Variants in PCCA observed in about 807,000 individuals in gnomAD.
PCCA encodes the protein propionyl-CoA carboxylase alpha chain, mitochondrial.
PCCA carries 74 observed loss-of-function variants against 101.3 expected under a neutral mutation model. That is an observed-to-expected ratio of 0.73 (90% CI 0.61 to 0.89). The LOEUF (loss-of-function observed/expected upper bound fraction) is 0.89. Ranked by LOEUF, PCCA falls within the 40% of genes least tolerant of loss-of-function variation. The pLI is 0.00. For missense variants in PCCA, 891 were observed against 907.0 expected, an observed-to-expected ratio of 0.98 and a Z score of 0.23; for synonymous variants, 294 against 313.6, an observed-to-expected ratio of 0.94 and a Z score of 0.66.
At chr13:100,388,812 T>C (rs1294561922) in intron 19 of PCCA, among the ~76,000 whole-genome samples, 1 of 152,104 alleles carries the variant, frequency 6.6e-6, no homozygotes, top group Non-Finnish European at 1.5e-5. Flanking sequence ...TAAAAATAAT[T>C]AAAAAGTTTT....
chr13:100,418,024 A>G (rs899407634), intron 19 of PCCA, among the ~76,000 whole-genome samples: 37 of 152,106 alleles, frequency 2.4e-4, no homozygotes, highest in Admixed American at 3.3e-4. Context: ...GAAGACCAGC[A>G]GCCAGTTCCT....
chr13:100,260,545 C>T (rs1179463029), intron 9 of PCCA, among the ~76,000 whole-genome samples: 1 of 151,738 alleles, frequency 6.6e-6, no homozygotes, highest in East Asian at 1.9e-4. Context: ...TACAGGCGCA[C>T]ACTGCCACGC....
intron 19 of PCCA, among the ~76,000 whole-genome samples, chr13:100,391,769 G>A (rs2076811238): frequency 6.6e-6 from 1 of 150,812 alleles, no homozygotes; most frequent in Non-Finnish European, 1.5e-5. Context: ...TCTAAATTGT[G>A]TTCAAATTGG....
rs950464 is a variant in PCCA, at chr13:100,191,681, T to G, written c.469-17651T>G. ...CTGCCCAACACTTGTTTTGTAAGATTCTAGTGGCATGGGAAGTGAGGGGTT... is the reference window on the plus strand; with the variant it reads ...CTGCCCAACACTTGTTTTGTAAGATGCTAGTGGCATGGGAAGTGAGGGGTT... On this transcript the variant is annotated intron_variant, in intron 6 of 23. Coordinates refer to ENST00000376285, the MANE Select transcript of PCCA (RefSeq NM_000282.4). 6.6e-5 allele frequency among the ~76,000 whole-genome samples: 10 copies of G among 152,318 alleles called. No individual in the cohort carries two copies. In the East Asian group the frequency reaches 1.9e-3, roughly 29 times the overall value.
At chr13:100,176,853 T>G (rs1300938675) in intron 6 of PCCA, among the ~76,000 whole-genome samples, 1 of 152,206 alleles carries the variant, frequency 6.6e-6, no homozygotes, top group East Asian at 1.9e-4. Context: ...TTGAGAATAT[T>G]AGTTTAGTAA....
At chr13:100,499,912 T>A (rs1461362364) in intron 21 of PCCA, among the ~76,000 whole-genome samples, 1 of 148,000 alleles carries the variant, frequency 6.8e-6, no homozygotes, top group Non-Finnish European at 1.5e-5. Flanking sequence ...TTGGCCACAG[T>A]TTTGAAGGAA....
At position 100,338,666 on chromosome 13, in the gene PCCA, A is replaced by G. The variant is rs142010327; in HGVS notation, c.1541-1491A>G. Reference sequence around the variant, plus strand: ...GTCAGGGGAAAATGAGGAACTTTCCAATGCCCATAAGAGTATGGTTTATTA... The same window carrying G: ...GTCAGGGGAAAATGAGGAACTTTCCGATGCCCATAAGAGTATGGTTTATTA... On this transcript the variant is annotated intron_variant, in intron 17 of 23. Transcript: ENST00000376285. Among the ~76,000 whole-genome samples, 178 of 149,804 alleles carry G rather than the reference A, an allele frequency of 1.2e-3. 1 individual carries two copies. Among genetic ancestry groups the G allele is most frequent in the African/African-American group, 4.2e-3 (171 of 40,564 alleles).
chr13:100,273,860 C>A (rs1272139526), intron 12 of PCCA, among the ~76,000 whole-genome samples: 3 of 152,182 alleles, frequency 2.0e-5, no homozygotes, highest in African/African-American at 7.2e-5. Context: ...GACATAACTT[C>A]CTTAGTTCTA....
chr13:100,495,893 T>C (rs1350515233), intron 21 of PCCA, among the ~76,000 whole-genome samples: 2 of 152,238 alleles, frequency 1.3e-5, no homozygotes, highest in African/African-American at 4.8e-5. Context: ...ATACAAAGAA[T>C]GTCCAGATAA....
At chr13:100,416,429 G>T (rs535712814) in intron 19 of PCCA, among the ~76,000 whole-genome samples, 1 of 152,042 alleles carries the variant, frequency 6.6e-6, no homozygotes, top group East Asian at 1.9e-4. Context: ...TACTCCGCCC[G>T]CCTCGGCCTC....
intron 21 of PCCA, among the ~76,000 whole-genome samples, chr13:100,467,594 T>G (rs1195174898): frequency 6.6e-6 from 1 of 152,146 alleles, no homozygotes; most frequent in Non-Finnish European, 1.5e-5. Context: ...ATCGTCTTGA[T>G]CTCCTGACCT....
At chr13:100,424,800 G>T (rs2152892819) in intron 19 of PCCA, among the ~76,000 whole-genome samples, 1 of 152,218 alleles carries the variant, frequency 6.6e-6, no homozygotes, top group South Asian at 2.1e-4. Flanking sequence ...TCATAGTTCT[G>T]CTGCAGGTTT....
chr13:100,268,577 A>G (rs1206569594), intron 10 of PCCA, 112 bp from the exon 11 acceptor site: 10 of 789,600 alleles, frequency 1.3e-5, no homozygotes, highest in Admixed American at 1.0e-4. Flanking sequence ...GTATGTATAT[A>G]CTATGAAGTT....
chr13:100,285,246 C>A (rs1034032094), intron 12 of PCCA, among the ~76,000 whole-genome samples: 4 of 152,162 alleles, frequency 2.6e-5, no homozygotes, highest in Non-Finnish European at 4.4e-5. Flanking sequence ...TCAAGGACAC[C>A]CAGAGGGCAA....
At chr13:100,400,620 C>CTGTTTTT (rs2077283783) in intron 19 of PCCA, among the ~76,000 whole-genome samples, 1 of 61,950 alleles carries the variant, frequency 1.6e-5, no homozygotes, top group African/African-American at 1.0e-4. Context: ...GATCTTAGTT[C>CTGTTTTT]TTTTTAGTTC....
intron 21 of PCCA, among the ~76,000 whole-genome samples, chr13:100,506,228 G>T (rs547087940): frequency 6.6e-6 from 1 of 151,880 alleles, no homozygotes; most frequent in Non-Finnish European, 1.5e-5. Context: ...CTTCAGCATC[G>T]TGTGTTCTGT....
intron 6 of PCCA, among the ~76,000 whole-genome samples, chr13:100,183,931 C>A (rs1385576481): frequency 6.6e-6 from 1 of 152,158 alleles, no homozygotes; most frequent in Non-Finnish European, 1.5e-5. Flanking sequence ...AACTTGGTAT[C>A]ATCTTTGCCC....
chr13:100,120,659 A>T (rs2049280371), intron 4 of PCCA, among the ~76,000 whole-genome samples: 1 of 152,196 alleles, frequency 6.6e-6, no homozygotes, highest in East Asian at 1.9e-4. Context: ...GAAGCAGTAT[A>T]AAATACTCCA....
At position 100,089,176 on chromosome 13, in the gene PCCA, G is replaced by A; in HGVS notation, c.56G>A (p.Arg19Gln). 1 of 1,529,770 alleles carries A rather than the reference G, an allele frequency of 6.5e-7. No individual in the cohort carries two copies. Among genetic ancestry groups the A allele is most frequent in the Middle Eastern group, 2.2e-4 (1 of 4,528 alleles). 94.8% of individuals were successfully genotyped at this position (1,529,770 alleles called of 1,614,324 possible). Residue 19 changes from arginine (R) to glutamine (Q), a missense_variant, in exon 1 of 24, where the codon CGG (arginine) becomes CAG (glutamine). Physicochemically the swap from Arg to Gln is conservative, Grantham distance 43 (BLOSUM62 1). Transcript: ENST00000376285. ...CTGGTCGCTGCCGGACGGCGTGGGC[G>A]GTGGCCGCCGCAGCAGCTGATGCTG... Reference protein sequence around the residue: ...APLVAAGRRGRWPPQQLMLSA... With the variant: ...APLVAAGRRGQWPPQQLMLSA...
Sources: gnomAD v4.1 joint callset for allele counts (sites outside exome capture counted in the v4.1 genomes callset) on GRCh38, gnomAD v4.1.1 for gene constraint, MANE v1.5 for transcripts, NCBI Gene and HGNC (gene_info 2026-07-23, HGNC 2026-07-21) for gene names.